Variants in LDB2 observed in about 807,000 individuals in gnomAD.
LDB2 encodes the protein LIM domain binding 2.
Under a neutral mutation model 44.3 loss-of-function variants are expected in LDB2, and 12 were observed. The observed-to-expected ratio is 0.27, with a 90% CI of 0.17 to 0.44. LDB2 has a LOEUF of 0.44. LDB2 is among the 20% of genes least tolerant of loss of function. The pLI is 1.00. For missense variants in LDB2, 344 were observed against 473.5 expected (o/e 0.73, Z 2.54); for synonymous variants, 164 against 174.8 (o/e 0.94, Z 0.49).
chr4:16,722,885 T>G (rs933432774), intron 2 of LDB2, among the ~76,000 whole-genome samples: 2 of 152,154 alleles, frequency 1.3e-5, no homozygotes. Flanking sequence ...CCACTTATGA[T>G]TTTTTGACTT....
intron 3 of LDB2, 129 bp downstream of exon 3, chr4:16,595,574 C>T (rs752158937): frequency 9.5e-6 from 7 of 738,316 alleles, no homozygotes; most frequent in Non-Finnish European, 1.3e-5. Flanking sequence ...AAGAAAGATT[C>T]TCTCATGGTG....
intron 1 of LDB2, among the ~76,000 whole-genome samples, chr4:16,840,451 C>T (rs182952572): frequency 6.6e-6 from 1 of 152,084 alleles, no homozygotes; most frequent in Non-Finnish European, 1.5e-5. Flanking sequence ...ATTCAAGAAG[C>T]CATGATAGAG....
rs147062038 is a variant in LDB2 at position 16,585,132 on chromosome 4, C to T, written c.615+790G>A. Among the ~76,000 whole-genome samples, 10 of 152,272 alleles carry T rather than the reference C, an allele frequency of 6.6e-5. No homozygotes were observed. In the East Asian group the frequency reaches 1.5e-3, roughly 24 times the overall value. ...ACCATCACGCCCCAGGCCACCCACCCGCACTATGTCAGTTGCTCCGCAAGA... is the reference window on the plus strand; with the variant it reads ...ACCATCACGCCCCAGGCCACCCACCTGCACTATGTCAGTTGCTCCGCAAGA... On this transcript the variant is annotated intron_variant, in intron 5 of 7. Coordinates refer to ENST00000304523, the MANE Select transcript of LDB2 (RefSeq NM_001290.5).
intron 1 of LDB2, among the ~76,000 whole-genome samples, chr4:16,865,646 T>C (rs1329452239): frequency 6.6e-6 from 1 of 152,166 alleles, no homozygotes; most frequent in African/African-American, 2.4e-5. Flanking sequence ...CTAAATCAGC[T>C]TCACACCAGC....
intron 1 of LDB2, among the ~76,000 whole-genome samples, chr4:16,808,664 G>T (rs981581946): frequency 1.3e-5 from 2 of 152,102 alleles, no homozygotes; most frequent in African/African-American, 2.4e-5. Context: ...GAGAAATAAA[G>T]GTTATTGTTT....
chr4:16,809,396 G>C (rs1312176702), intron 1 of LDB2, among the ~76,000 whole-genome samples: 5 of 152,190 alleles, frequency 3.3e-5, no homozygotes, highest in Non-Finnish European at 7.3e-5. Context: ...GCTAAAGGCT[G>C]TCCAGGACTG....
intron 2 of LDB2, among the ~76,000 whole-genome samples, chr4:16,643,362 T>C (rs892224192): frequency 6.6e-6 from 1 of 152,186 alleles, no homozygotes; most frequent in South Asian, 2.1e-4. Flanking sequence ...AGATTCCTTA[T>C]CCATATCAAA....
intron 1 of LDB2, among the ~76,000 whole-genome samples, chr4:16,794,773 C>A (rs959520177): frequency 2.6e-5 from 4 of 152,190 alleles, no homozygotes; most frequent in Non-Finnish European, 4.4e-5. Flanking sequence ...TGGGGTTCAA[C>A]CTATTATTAA....
chr4:16,825,393 C>G (rs936843555), intron 1 of LDB2, among the ~76,000 whole-genome samples: 1 of 152,128 alleles, frequency 6.6e-6, no homozygotes, highest in Non-Finnish European at 1.5e-5. Flanking sequence ...AGACCCTAAC[C>G]TTTCTGAGTG....
intron 1 of LDB2, among the ~76,000 whole-genome samples, chr4:16,875,658 G>T (rs1197635427): frequency 1.3e-5 from 2 of 152,188 alleles, no homozygotes; most frequent in Non-Finnish European, 1.5e-5. Context: ...AGGCATGACG[G>T]TTATTCTCAG....
At chr4:16,751,708 ACT>A (rs2109112298) in intron 2 of LDB2, among the ~76,000 whole-genome samples, 2 of 152,340 alleles carry the variant, frequency 1.3e-5, no homozygotes, top group African/African-American at 4.8e-5. Context: ...TTTGTGATGA[ACT>A]GTCTTTCTCC....
chr4:16,837,998 T>C (rs1785188358), intron 1 of LDB2, among the ~76,000 whole-genome samples: 2 of 152,228 alleles, frequency 1.3e-5, no homozygotes, highest in Admixed American at 1.3e-4. Flanking sequence ...GACTAGGGTT[T>C]ATATTTTCAT....
chr4:16,877,978 G>A (rs997613402), intron 1 of LDB2, among the ~76,000 whole-genome samples: 9 of 95,480 alleles, frequency 9.4e-5, no homozygotes, highest in African/African-American at 4.1e-4. Context: ...TAACCAAGGA[G>A]AAACAGAAAT....
chr4:16,659,666 T>TATA (rs1740937388), intron 2 of LDB2, among the ~76,000 whole-genome samples: 1 of 79,354 alleles, frequency 1.3e-5, no homozygotes, highest in Non-Finnish European at 2.8e-5. Flanking sequence ...AGTATATCTA[T>TATA]GTGTGTATAT....
chr4:16,546,520 G>A (rs1560431330), intron 5 of LDB2, among the ~76,000 whole-genome samples: 3 of 152,218 alleles, frequency 2.0e-5, no homozygotes. Flanking sequence ...AAACATAAAA[G>A]TATGACAGCG....
At chr4:16,621,316 A>T (rs1728811495) in intron 2 of LDB2, among the ~76,000 whole-genome samples, 1 of 152,176 alleles carries the variant, frequency 6.6e-6, no homozygotes, top group Admixed American at 6.5e-5. Context: ...TAAGGGCAAG[A>T]ACTCTGCCTT....
chr4:16,590,033 C>T (rs1005217645), intron 3 of LDB2, among the ~76,000 whole-genome samples: 3 of 152,122 alleles, frequency 2.0e-5, no homozygotes, highest in African/African-American at 4.8e-5. Flanking sequence ...TAAATGATAG[C>T]GCTACAGATA....
intron 2 of LDB2, among the ~76,000 whole-genome samples, chr4:16,739,210 T>C (rs1322968367): frequency 6.6e-6 from 1 of 152,014 alleles, no homozygotes; most frequent in Non-Finnish European, 1.5e-5. Context: ...GTATTTAAAA[T>C]TTTTTGGAGA....
intron 1 of LDB2, among the ~76,000 whole-genome samples, chr4:16,830,293 A>G (rs539203723): frequency 6.6e-6 from 1 of 152,208 alleles, no homozygotes; most frequent in African/African-American, 2.4e-5. Context: ...ACAGTGAGTG[A>G]GTTCTCAGGA....
Sources: allele counts gnomAD v4.1 joint callset (sites outside exome capture counted in the v4.1 genomes callset), GRCh38; gene constraint gnomAD v4.1.1; transcripts MANE v1.5; gene names NCBI Gene and HGNC (gene_info 2026-07-23, HGNC 2026-07-21).